CFAP99: variants seen among roughly 807,000 people sequenced by gnomAD.
CFAP99 encodes cilia and flagella associated protein 99, also known as cilia- and flagella-associated protein 99.
CFAP99 carries 84 observed loss-of-function variants against 82.7 expected under a neutral mutation model. The ratio of observed to expected loss-of-function variants is 1.02; its 90% CI spans 0.85 to 1.22. The LOEUF (loss-of-function observed/expected upper bound fraction) is 1.22. Ranked by LOEUF, CFAP99 falls within the 50% of genes most tolerant of loss-of-function variation. The pLI, the probability that CFAP99 is intolerant of heterozygous loss-of-function variation, is 0.00. For missense variants in CFAP99, 1,059 were observed against 983.5 expected (o/e 1.08, Z -1.03); for synonymous variants, 456 against 429.5 (o/e 1.06, Z -0.76).
intron 6 of CFAP99, among the ~76,000 whole-genome samples, 187 bp downstream of exon 6, chr4:2,445,495 C>A (rs941591641): frequency 6.6e-6 from 1 of 152,080 alleles, no homozygotes; most frequent in Non-Finnish European, 1.5e-5. Flanking sequence ...ACCCAGCTGA[C>A]CCGGAGCCCA....
intron 11 of CFAP99, among the ~76,000 whole-genome samples, chr4:2,453,056 G>C (rs923940339): frequency 3.3e-5 from 5 of 152,116 alleles, no homozygotes; most frequent in Non-Finnish European, 7.3e-5. Flanking sequence ...GAGCGTAACT[G>C]TCTCAAAAAC....
intron 13 of CFAP99, 125 bp downstream of exon 13, chr4:2,459,383 C>G (rs184733960): frequency 8.6e-6 from 10 of 1,157,092 alleles, no homozygotes; most frequent in Non-Finnish European, 1.2e-5. Flanking sequence ...AAACCTGGCC[C>G]GCCACCCTCC....
chr4:2,420,051 G>C (rs1733529395), intron 1 of CFAP99, among the ~76,000 whole-genome samples: 1 of 151,846 alleles, frequency 6.6e-6, no homozygotes, highest in African/African-American at 2.4e-5. Flanking sequence ...CCAGCCGACT[G>C]TGCCCTCTCC....
At position 2,445,627 on chromosome 4, in the gene CFAP99, G is replaced by A. The variant is rs191509841; in HGVS notation, c.642+319G>A. 3.7e-4 allele frequency among the ~76,000 whole-genome samples: 57 copies of A among 152,254 alleles called. 1 individual carries two copies. The highest frequency in any genetic ancestry group is 1.2e-3 in the Admixed American group (18 of 15,292). On this transcript the variant is annotated intron_variant, in intron 6 of 14. Transcript: ENST00000635017. ...CTTGGAGCCCACTTTTAACTCTGGC[G>A]TAATGCAACACCCCCTCCCCGTTAA...
chr4:2,427,258 T>G (rs114651421), intron 2 of CFAP99: 4,391 of 153,502 alleles, frequency 0.029, 220 homozygotes, highest in African/African-American at 0.1. Context: ...CCTGCCCCAC[T>G]CAGGGGCCTC....
chr4:2,422,569 A>G (rs1443930769), intron 1 of CFAP99, among the ~76,000 whole-genome samples: 1 of 151,904 alleles, frequency 6.6e-6, no homozygotes, highest in East Asian at 1.9e-4. Flanking sequence ...AAACTGTTCC[A>G]CCTTGGCAGC....
At chr4:2,452,639 T>C (rs751324687) in intron 11 of CFAP99, among the ~76,000 whole-genome samples, 1 of 152,330 alleles carries the variant, frequency 6.6e-6, no homozygotes, top group Non-Finnish European at 1.5e-5. Flanking sequence ...TCCTGGGACG[T>C]ATCCCTTTGC....
At chr4:2,452,049 C>T (rs555700054) in intron 10 of CFAP99, 93 bp from the exon 11 acceptor site, 59 of 1,326,358 alleles carry the variant, frequency 4.4e-5, no homozygotes, top group African/African-American at 2.2e-4. Context: ...CCCACGCCTG[C>T]GCAGCCACTG....
chr4:2,440,808 A>G (rs1734020077), intron 4 of CFAP99, among the ~76,000 whole-genome samples: 1 of 151,522 alleles, frequency 6.6e-6, no homozygotes, highest in Admixed American at 6.6e-5. Context: ...GTTAGCCAGG[A>G]TGGTCTCGAT....
At position 2,446,655 on chromosome 4, in the gene CFAP99, G is replaced by T. The variant is rs146664196; in HGVS notation, c.642+1347G>T. ...TCTGCCCACCTAGGCCTCCCAAAGT[G>T]CTGGGATTACAGGCGTAAGCCACCA... On this transcript the variant is annotated intron_variant, in intron 6 of 14. Coordinates refer to ENST00000635017, the Ensembl canonical transcript of CFAP99. This position sits in a 1 kb window ranked among gnomAD's most constrained non-coding sequence, Gnocchi z 5.0. 4.6e-5 allele frequency among the ~76,000 whole-genome samples: 7 copies of T among 152,324 alleles called. No homozygotes were observed. The highest frequency in any genetic ancestry group is 1.0e-4 in the Non-Finnish European group (7 of 68,028).
intron 2 of CFAP99, chr4:2,428,122 A>G (rs1337351317): frequency 6.6e-6 from 1 of 152,614 alleles, no homozygotes; most frequent in Non-Finnish European, 1.5e-5. Flanking sequence ...TTCCCAGCTA[A>G]GGCCTCAGCA....
Position 2,446,809 on chromosome 4 carries a change from GTGGATGAA to G in CFAP99, c.642+1508_642+1515del, listed in dbSNP as rs1420638155. Among the ~76,000 whole-genome samples the G allele has an allele frequency of 7.2e-6, 1 of 139,580 alleles. No homozygotes were observed. Among genetic ancestry groups the G allele is most frequent in the East Asian group, 2.4e-4 (1 of 4,188 alleles). The allele number at this position is 139,580 out of a possible 152,430, so 91.6% of individuals were successfully genotyped here. A position where few individuals can be genotyped will look rare whatever the true frequency, so the allele number is the denominator to read the frequency against. ...TATCAGATGGATGGTAGATGGATGG[GTGGATGAA>G]TGGATGGATGGATGGATGGATGATT... On this transcript the variant is annotated intron_variant, in intron 6 of 14. Coordinates refer to ENST00000635017, the Ensembl canonical transcript of CFAP99. This position sits in a 1 kb window ranked among gnomAD's most constrained non-coding sequence, Gnocchi z 5.0.
chr4:2,459,753 T>C (rs1376218992), intron 13 of CFAP99, among the ~76,000 whole-genome samples: 1 of 152,188 alleles, frequency 6.6e-6, no homozygotes, highest in East Asian at 1.9e-4. Flanking sequence ...AACGGCTGTC[T>C]GCCCCAGGCC....
intron 1 of CFAP99, among the ~76,000 whole-genome samples, chr4:2,419,956 A>G (rs1251364467): frequency 6.6e-6 from 1 of 151,996 alleles, no homozygotes; most frequent in East Asian, 1.9e-4. Context: ...GCTCTTTATC[A>G]AAGTCATCCT....
chr4:2,423,121 C>T (rs1422395598), intron 1 of CFAP99, among the ~76,000 whole-genome samples: 3 of 152,192 alleles, frequency 2.0e-5, no homozygotes, highest in Middle Eastern at 6.3e-3. Flanking sequence ...CTCAGCAATG[C>T]CTGGAGTGAA....
chr4:2,449,082 T>C (rs544406455), intron 6 of CFAP99, among the ~76,000 whole-genome samples: 1 of 152,124 alleles, frequency 6.6e-6, no homozygotes, highest in African/African-American at 2.4e-5. Context: ...GGAGAAGGCA[T>C]GGAGTTAGGA....
chr4:2,448,390 C>T lies in CFAP99; in HGVS notation c.643-1280C>T, dbSNP rs1213466560. Among the ~76,000 whole-genome samples, 1 of 152,210 alleles carries T rather than the reference C, an allele frequency of 6.6e-6. No homozygotes were observed. The highest frequency in any genetic ancestry group is 1.5e-5 in the Non-Finnish European group (1 of 68,040). On this transcript the variant is annotated intron_variant, in intron 6 of 14. Coordinates refer to ENST00000635017, the Ensembl canonical transcript of CFAP99. The surrounding 1 kb of genome is among the most constrained non-coding windows in gnomAD (Gnocchi z 5.2). ...TGTTTGTGGACATGTACCTTCTCTG[C>T]ATCCACAGGGTGGCTGTGCTGAAAC... is the stretch of plus-strand genomic sequence containing the variant.
intron 1 of CFAP99, among the ~76,000 whole-genome samples, chr4:2,420,577 T>C (rs1330307327): frequency 6.6e-6 from 1 of 152,272 alleles, no homozygotes; most frequent in East Asian, 1.9e-4. Flanking sequence ...TCCCTTCCTG[T>C]GTTTTATAGT....
chr4:2,458,619 C>G, intron 11 of CFAP99, 104 bp from the exon 12 acceptor site: 1 of 1,390,428 alleles, frequency 7.2e-7, no homozygotes, highest in Admixed American at 2.6e-5. Flanking sequence ...AGGGCAGGGA[C>G]TGGGTCCACC....
Sources: gnomAD v4.1 joint callset for allele counts (sites outside exome capture counted in the v4.1 genomes callset) on GRCh38, gnomAD v4.1.1 for gene constraint, Gnocchi (gnomAD v3.1) non-coding constraint, MANE v1.5 for transcripts, NCBI Gene and HGNC (gene_info 2026-07-23, HGNC 2026-07-21) for gene names.